VWA8: variants seen among roughly 807,000 people sequenced by gnomAD.
VWA8 encodes von Willebrand factor A domain containing 8.
Under a neutral mutation model 241.5 loss-of-function variants are expected in VWA8, and 221 were observed. The observed-to-expected ratio is 0.91, with a 90% CI of 0.82 to 1.02. VWA8 has a LOEUF of 1.02. Among genes scored for constraint, VWA8 ranks in the 50% least tolerant of loss-of-function variants. VWA8 has a pLI of 0.00. For synonymous variants in VWA8, 852 were observed against 827.1 expected, an observed-to-expected ratio of 1.03 and a Z score of -0.52; for missense variants, 2,322 against 2,328.7, an observed-to-expected ratio of 1.00 and a Z score of 0.06.
intron 20 of VWA8, among the ~76,000 whole-genome samples, chr13:41,771,066 TATG>T (rs554446420): frequency 5.3e-4 from 80 of 152,222 alleles, no homozygotes; most frequent in Non-Finnish European, 1.1e-3. Context: ...CAAGTGATGT[TATG>T]ATATGTAGAT....
Position 41,887,182 on chromosome 13 carries a change from CT to C in VWA8, c.816+14del, listed in dbSNP as rs1203080812. ...AAAACTGTTTAACAAATAAATTATC[CT>C]TGGTCTTACTTACCTTGAAGGGTAA... On this transcript the variant is annotated intron_variant, in intron 6 of 44. Transcript: ENST00000379310. 6.3e-7 allele frequency: 1 copy of C among 1,596,030 alleles called. No homozygotes were observed. Among genetic ancestry groups the C allele is most frequent in the African/African-American group, 1.4e-5 (1 of 73,402 alleles).
At chr13:41,873,848 TC>T (rs1167712928) in intron 9 of VWA8, among the ~76,000 whole-genome samples, 3 of 152,262 alleles carry the variant, frequency 2.0e-5, no homozygotes, top group Admixed American at 1.3e-4. Flanking sequence ...GCCAGCACCA[TC>T]CTGATACCAA....
intron 2 of VWA8, chr13:41,926,085 A>G (rs559994637): frequency 1.5e-4 from 75 of 489,036 alleles, no homozygotes; most frequent in Non-Finnish European, 2.6e-4. Context: ...CAGAAATTAT[A>G]AATCAGAAGA....
At chr13:41,843,455 C>T (rs924029190) in intron 12 of VWA8, among the ~76,000 whole-genome samples, 2 of 151,974 alleles carry the variant, frequency 1.3e-5, no homozygotes, top group African/African-American at 4.8e-5. Context: ...ACAAGAATAA[C>T]CTAACTCCAA....
In VWA8 at chr13:41,611,708, C is replaced by T. The variant is rs1346001028; in HGVS notation, c.4745G>A (p.Gly1582Asp). ...CAGCCGGTAAGGGCCTCCTTTGCCA[C>T]CCAGGCCTGCCGTGTCTCTTCCCCC... is the stretch of plus-strand genomic sequence containing the variant. Reference protein sequence around the residue: ...GTGGRDTAGLGGKGGPYRLDA... With the variant: ...GTGGRDTAGLDGKGGPYRLDA... The change falls in exon 39 of 45, where the codon GGT becomes GAT. Residue 1582 changes from glycine (G) to aspartate (D), a missense_variant. Physicochemically the swap from Gly to Asp is moderately conservative, Grantham distance 94. Coordinates refer to ENST00000379310, the MANE Select transcript of VWA8 (RefSeq NM_015058.2). The T allele has an allele frequency of 3.7e-6, 6 of 1,613,900 alleles. No individual in the cohort carries two copies. The highest frequency in any genetic ancestry group is 5.1e-6 in the Non-Finnish European group (6 of 1,179,950).
intron 9 of VWA8, among the ~76,000 whole-genome samples, chr13:41,871,656 T>C (rs1873624339): frequency 6.6e-6 from 1 of 151,818 alleles, no homozygotes; most frequent in Non-Finnish European, 1.5e-5. Context: ...TATGGCTGCA[T>C]AGTATTCCAT....
intron 37 of VWA8, among the ~76,000 whole-genome samples, chr13:41,641,721 G>A (rs1327243090): frequency 6.6e-6 from 1 of 152,040 alleles, no homozygotes; most frequent in African/African-American, 2.4e-5. Flanking sequence ...TAGGTAGGGA[G>A]GCAGCTGTGC....
At position 41,811,310 on chromosome 13, in the gene VWA8, T is replaced by C. The variant is rs9562353; in HGVS notation, c.1978A>G (p.Arg660Gly). The C allele has an allele frequency of 0.048, 76,743 of 1,610,244 alleles. 2,287 individuals are homozygous for C. The highest frequency in any genetic ancestry group is 0.11 in the African/African-American group (8,199 of 74,936). Residue 660 changes from arginine (R) to glycine (G), a missense_variant, in exon 17 of 45, where the codon AGA (arginine) becomes GGA (glycine). By Grantham distance (125) the Arg-to-Gly change is moderately radical (BLOSUM62 -2). Transcript: ENST00000379310. ...CGACGAGAAATTCGCAACAGTTGTCTGGTAGAAAGTGATGCCGCTAATGAT... is the reference window on the plus strand; with the variant it reads ...CGACGAGAAATTCGCAACAGTTGTCCGGTAGAAAGTGATGCCGCTAATGAT... ...AQSLAASLSTRQLLRISRRLS... is the reference protein window; with the variant it reads ...AQSLAASLSTGQLLRISRRLS...
chr13:41,772,565 AAT>A (rs2045832680), intron 20 of VWA8, among the ~76,000 whole-genome samples: 2 of 152,178 alleles, frequency 1.3e-5, no homozygotes, highest in Non-Finnish European at 2.9e-5. Context: ...GTGGTTCTAT[AAT>A]ATTCAGCATT....
intron 17 of VWA8, among the ~76,000 whole-genome samples, chr13:41,796,909 T>G (rs1234677498): frequency 1.3e-5 from 2 of 152,230 alleles, no homozygotes; most frequent in African/African-American, 2.4e-5. Context: ...TGATTTAAAT[T>G]TTCCAACTAA....
intron 40 of VWA8, among the ~76,000 whole-genome samples, chr13:41,598,907 G>C (rs1277052889): frequency 6.6e-6 from 1 of 151,422 alleles, no homozygotes; most frequent in Non-Finnish European, 1.5e-5. Flanking sequence ...ATTTTGCATG[G>C]TACTTAGTAA....
chr13:41,938,249 AG>A (rs760711545), intron 2 of VWA8, among the ~76,000 whole-genome samples: 18 of 152,146 alleles, frequency 1.2e-4, no homozygotes, highest in Non-Finnish European at 2.2e-4. Context: ...TAAAAGAAAA[AG>A]TAGGCACACT....
intron 14 of VWA8, among the ~76,000 whole-genome samples, chr13:41,823,628 T>C (rs1017646107): frequency 2.0e-5 from 3 of 152,146 alleles, no homozygotes; most frequent in African/African-American, 7.2e-5. Context: ...AATACAGGCA[T>C]AGTATCTGGT....
chr13:41,923,295 G>C (rs1222169649), intron 2 of VWA8, among the ~76,000 whole-genome samples: 3 of 152,124 alleles, frequency 2.0e-5, no homozygotes, highest in African/African-American at 7.2e-5. Flanking sequence ...TGGGGTGGGG[G>C]GAGCGGGGAG....
intron 38 of VWA8, 108 bp downstream of exon 38, chr13:41,614,868 G>T: frequency 1.9e-6 from 2 of 1,049,852 alleles, no homozygotes; most frequent in South Asian, 1.4e-5. Context: ...AATGAGGGAG[G>T]CTGAGAAGGA....
At chr13:41,670,859 C>A in intron 37 of VWA8, 87 bp downstream of exon 37, 18 of 1,496,248 alleles carry the variant, frequency 1.2e-5, no homozygotes, top group Non-Finnish European at 1.7e-5. Flanking sequence ...GAGTCACTGG[C>A]CCAGAAATTT....
chr13:41,888,071 A>T (rs1874633385), intron 5 of VWA8, among the ~76,000 whole-genome samples: 1 of 152,144 alleles, frequency 6.6e-6, no homozygotes, highest in African/African-American at 2.4e-5. Flanking sequence ...GCATGGTATT[A>T]TACCTTTGGA....
intron 1 of VWA8, among the ~76,000 whole-genome samples, chr13:41,959,376 T>G (rs1365766306): frequency 6.6e-6 from 1 of 151,774 alleles, no homozygotes; most frequent in African/African-American, 2.4e-5. Context: ...TATGCTATAC[T>G]TCCACCTTTG....
intron 19 of VWA8, among the ~76,000 whole-genome samples, chr13:41,783,422 G>A (rs1167051007): frequency 2.0e-5 from 3 of 151,736 alleles, no homozygotes; most frequent in African/African-American, 4.8e-5. Flanking sequence ...GGTGGATCAC[G>A]AGGTCAGGAG....
Sources: gnomAD v4.1 joint callset for allele counts (sites outside exome capture counted in the v4.1 genomes callset) on GRCh38, gnomAD v4.1.1 for gene constraint, MANE v1.5 for transcripts, NCBI Gene and HGNC (gene_info 2026-07-23, HGNC 2026-07-21) for gene names.